The following KARS1 variants were observed in gnomAD, a reference collection of about 807,000 sequenced individuals.
KARS1 encodes the protein lysine--tRNA ligase.
Under a neutral mutation model 63.9 loss-of-function variants are expected in KARS1, and 50 were observed. The ratio of observed to expected loss-of-function variants is 0.78; its 90% CI spans 0.62 to 0.99. The LOEUF is 0.99. Ranked by LOEUF, KARS1 falls within the 50% of genes least tolerant of loss-of-function variation. KARS1 has a pLI of 0.00. For missense variants in KARS1, 816 were observed against 754.5 expected, an observed-to-expected ratio of 1.08 and a Z score of -0.95; for synonymous variants, 320 against 264.6, an observed-to-expected ratio of 1.21 and a Z score of -2.03.
intron 3 of KARS1, among the ~76,000 whole-genome samples, chr16:75,637,217 C>T (rs1171871641): frequency 6.6e-6 from 1 of 151,918 alleles, no homozygotes; most frequent in African/African-American, 2.4e-5. Flanking sequence ...ACAAAATTTA[C>T]AACAAAATGC....
At chr16:75,644,535 G>T in intron 1 of KARS1, 2 of 1,100,974 alleles carry the variant, frequency 1.8e-6, no homozygotes, top group South Asian at 3.5e-5. Flanking sequence ...CTCTCTTATG[G>T]GTTGGGGAGG....
At position 75,644,703 on chromosome 16, in the gene KARS1, G is replaced by C. The variant is rs117472224; in HGVS notation, c.62+2875C>G. ...ATATCTGGGGTAAAGCCAACAGCAAGTTAATGGATAGCTTACAGGTAAAAT... is the reference window on the plus strand; with the variant it reads ...ATATCTGGGGTAAAGCCAACAGCAACTTAATGGATAGCTTACAGGTAAAAT... On this transcript the variant is annotated intron_variant, in intron 1 of 13. Transcript: ENST00000302445. Among the ~76,000 whole-genome samples the C allele has an allele frequency of 2.2e-4, 33 of 152,336 alleles. No individual in the cohort carries two copies. In the East Asian group the frequency reaches 6.4e-3, roughly 29 times the overall value.
At chr16:75,635,537 G>T in intron 6 of KARS1, 143 bp downstream of exon 6, 1 of 956,262 alleles carries the variant, frequency 1.0e-6, no homozygotes, top group Non-Finnish European at 1.6e-6. Context: ...AGGTAGAACA[G>T]AGACGATGGC....
In KARS1 at chr16:75,643,015, T is replaced by C. The variant is rs3784930; in HGVS notation, c.63-1292A>G. 3.5e-4 allele frequency among the ~76,000 whole-genome samples: 54 copies of C among 152,316 alleles called. No individual in the cohort carries two copies. In the East Asian group the frequency reaches 8.9e-3, roughly 25 times the overall value. ...GTGCCTCATATAGATTTAAATACATTTCTGGTTAAATCACTTGGTATCCAA... is the reference window on the plus strand; with the variant it reads ...GTGCCTCATATAGATTTAAATACATCTCTGGTTAAATCACTTGGTATCCAA... On this transcript the variant is annotated intron_variant, in intron 1 of 13. Transcript: ENST00000302445.
intron 3 of KARS1, among the ~76,000 whole-genome samples, chr16:75,638,054 G>A (rs2082182482): frequency 6.6e-6 from 1 of 152,074 alleles, no homozygotes. Context: ...GAACATTCAG[G>A]AAAACTGATT....
chr16:75,644,105 G>A (rs771205089), intron 1 of KARS1, among the ~76,000 whole-genome samples: 1 of 152,214 alleles, frequency 6.6e-6, no homozygotes, highest in Non-Finnish European at 1.5e-5. Context: ...AGACTCTAAG[G>A]AGAGACGATT....
At chr16:75,636,205 CCAAGAAGGACGTCAGATTCAG>C in intron 4 of KARS1, 107 bp from the exon 5 acceptor site, 1 of 770,954 alleles carries the variant, frequency 1.3e-6, no homozygotes, top group Non-Finnish European at 2.2e-6. Flanking sequence ...TAATGTGAGC[CCAAGAAGGACGTCAGATTCAG>C]GGGCCACTAT....
intron 12 of KARS1, 122 bp downstream of exon 12, chr16:75,629,293 G>T: frequency 8.2e-7 from 1 of 1,222,202 alleles, no homozygotes; most frequent in Non-Finnish European, 1.2e-6. Context: ...CCTCCAGCAA[G>T]CCTATGGCTT....
intron 1 of KARS1, among the ~76,000 whole-genome samples, chr16:75,642,585 G>C (rs1350981902): frequency 6.6e-6 from 1 of 152,080 alleles, no homozygotes; most frequent in African/African-American, 2.4e-5. Context: ...GAGTGAGTTA[G>C]GATGATAGTA....
rs748723559 is a variant in KARS1 at position 75,630,480 on chromosome 16, C to A, written c.1367G>T (p.Cys456Phe). ...KLVGEFLEVTCINPTFICDHP... is the reference protein window; with the variant it reads ...KLVGEFLEVTFINPTFICDHP... The stretch of plus-strand genomic sequence containing the variant: ...ATCACAGATGAATGTAGGATTGATG[C>A]AAGTCACTTCCAGGAACTCCCCAAC... Residue 456 changes from cysteine (C) to phenylalanine (F), a missense_variant, in exon 11 of 14, where the codon TGC (cysteine) becomes TTC (phenylalanine). Physicochemically the swap from Cys to Phe is radical, Grantham distance 205. Transcript: ENST00000302445. The A allele has an allele frequency of 2.5e-6, 4 of 1,611,824 alleles. No individual in the cohort carries two copies. Among genetic ancestry groups the A allele is most frequent in the Non-Finnish European group, 2.5e-6 (3 of 1,178,358 alleles).
chr16:75,634,049 A>T (rs1163749286), intron 7 of KARS1, 124 bp downstream of exon 7: 29 of 1,031,774 alleles, frequency 2.8e-5, no homozygotes, highest in Non-Finnish European at 4.1e-5. Context: ...CACCTGACCC[A>T]TCAGAACACT....
At chr16:75,628,426 G>A (rs1331684388) in intron 13 of KARS1, 143 bp downstream of exon 13, 9 of 937,098 alleles carry the variant, frequency 9.6e-6, no homozygotes, top group Non-Finnish European at 1.5e-5. Flanking sequence ...TGGCCCTCCT[G>A]TGAGTGGCAT....
intron 2 of KARS1, among the ~76,000 whole-genome samples, chr16:75,641,171 C>CA (rs1185202432): frequency 1.3e-5 from 2 of 150,536 alleles, no homozygotes; most frequent in African/African-American, 4.9e-5. Context: ...CTCAAAAAAA[C>CA]AAAAACAAAA....
intron 12 of KARS1, among the ~76,000 whole-genome samples, 170 bp downstream of exon 12, chr16:75,629,245 C>T (rs961877635): frequency 6.6e-6 from 1 of 152,156 alleles, no homozygotes; most frequent in Non-Finnish European, 1.5e-5. Flanking sequence ...GTACGACAGA[C>T]TCAATACCAG....
chr16:75,636,013 T>C lies in KARS1; in HGVS notation c.568A>G (p.Lys190Glu). The C allele has an allele frequency of 3.1e-6, 5 of 1,613,354 alleles. No individual in the cohort carries two copies. The highest frequency in any genetic ancestry group is 4.2e-6 in the Non-Finnish European group (5 of 1,179,260). The change falls in exon 5 of 14, where the codon AAA becomes GAA. Residue 190 changes from lysine to glutamate, a missense_variant. By Grantham distance (56) the Lys-to-Glu change is moderately conservative. Coordinates refer to ENST00000302445, the MANE Select transcript of KARS1 (RefSeq NM_005548.3). ...DIIGVQGNPG[K>E]TKKGELSIIP... ...ATGCTCAGCTCACCCTTCTTGGTTT[T>C]ACCAGGATTCCCCTGAACTCCAATT...
rs765160917 is a variant in KARS1, at chr16:75,641,471, G to T, written c.222+93C>A. ...CCCTGGCAGTGACCTCAGGCGTACT[G>T]GTCCCTCCTACTGTCCAGTCCCAAA... On this transcript the variant is annotated intron_variant, in intron 2 of 13. Coordinates refer to ENST00000302445, the MANE Select transcript of KARS1 (RefSeq NM_005548.3). 201 of 1,089,890 alleles carry T rather than the reference G, an allele frequency of 1.8e-4. No homozygotes were observed. Among genetic ancestry groups the T allele is most frequent in the Middle Eastern group, 1.4e-3 (5 of 3,516 alleles). The allele number at this position is 1,089,890 out of a possible 1,614,324, so 67.5% of individuals were successfully genotyped here. A position where few individuals can be genotyped will look rare whatever the true frequency, so the allele number is the denominator to read the frequency against.
rs777177565 is a variant in KARS1, at chr16:75,641,749, TG to T, written c.63-27del. On this transcript the variant is annotated intron_variant, in intron 1 of 13. Coordinates refer to ENST00000302445, the MANE Select transcript of KARS1 (RefSeq NM_005548.3). The stretch of plus-strand genomic sequence containing the variant: ...CTGTTGGAAAGATGAAAGCGTTCAA[TG>T]TGTTAGCTGCCTGAAGAGTCCTCTA... 1.9e-6 allele frequency: 3 copies of T among 1,612,594 alleles called. No homozygotes were observed. In the Admixed American group the frequency reaches 5.0e-5, roughly 27 times the overall value.
intron 7 of KARS1, chr16:75,633,966 C>A (rs1001585599): frequency 1.2e-5 from 7 of 602,472 alleles, no homozygotes; most frequent in African/African-American, 9.2e-5. Context: ...GGAAAGACAA[C>A]CCCTTTGGTC....
intron 1 of KARS1, among the ~76,000 whole-genome samples, chr16:75,645,637 A>G (rs2082272206): frequency 6.6e-6 from 1 of 152,138 alleles, no homozygotes; most frequent in Admixed American, 6.5e-5. Flanking sequence ...ACCTGAGCTC[A>G]GCAGTTTGAC....
Sources: allele counts gnomAD v4.1 joint callset (sites outside exome capture counted in the v4.1 genomes callset), GRCh38; gene constraint gnomAD v4.1.1; transcripts MANE v1.5; gene names NCBI Gene and HGNC (gene_info 2026-07-23, HGNC 2026-07-21).